AP4E1: variants seen among roughly 807,000 people sequenced by gnomAD.
The protein encoded by AP4E1 is adaptor related protein complex 4 subunit epsilon 1.
Under a neutral mutation model 128.2 loss-of-function variants are expected in AP4E1, and 56 were observed. The ratio of observed to expected loss-of-function variants is 0.44; its 90% CI spans 0.35 to 0.55. The LOEUF (loss-of-function observed/expected upper bound fraction) is 0.55. Ranked by LOEUF, AP4E1 falls within the 20% of genes least tolerant of loss-of-function variation. The pLI is 0.00. For synonymous variants in AP4E1, 484 were observed against 473.1 expected, an observed-to-expected ratio of 1.02 and a Z score of -0.30; for missense variants, 1,324 against 1,307.7, an observed-to-expected ratio of 1.01 and a Z score of -0.19.
chr15:50,998,764 A>C (rs889547456), intron 18 of AP4E1, among the ~76,000 whole-genome samples: 1 of 152,180 alleles, frequency 6.6e-6, no homozygotes, highest in African/African-American at 2.4e-5. Context: ...TTTATATTTA[A>C]ATTCTTTTAA....
At chr15:50,920,462 G>C (rs893232196) in intron 3 of AP4E1, among the ~76,000 whole-genome samples, 10 of 142,384 alleles carry the variant, frequency 7.0e-5, no homozygotes, top group Non-Finnish European at 1.2e-4. Context: ...GCTGGAGTAT[G>C]GTGGCGCCAC....
At chr15:50,938,860 A>G (rs1449520792) in intron 8 of AP4E1, among the ~76,000 whole-genome samples, 2 of 152,218 alleles carry the variant, frequency 1.3e-5, no homozygotes, top group African/African-American at 4.8e-5. Flanking sequence ...GACAGAGTAG[A>G]GAGCCTGGAT....
intron 10 of AP4E1, 69 bp from the exon 11 acceptor site, chr15:50,947,951 A>C (rs970215413): frequency 3.2e-6 from 4 of 1,254,868 alleles, no homozygotes; most frequent in Admixed American, 3.9e-5. Flanking sequence ...GTCAACCTTT[A>C]TGTTACTGTA....
chr15:50,948,068 A>C lies in AP4E1; in HGVS notation c.1225A>C (p.Ile409Leu), dbSNP rs778177031. ...RITNAQNITVIVQKMLEYLHQ... is the reference protein window; with the variant it reads ...RITNAQNITVLVQKMLEYLHQ... ...TACTAATGCACAGAATATAACAGTT[A>C]TTGTCCAGAAAATGCTTGAATATTT... Residue 409 changes from isoleucine to leucine, a missense_variant, in exon 11 of 21, where the codon ATT (isoleucine) becomes CTT (leucine). Coordinates refer to ENST00000261842, the MANE Select transcript of AP4E1 (RefSeq NM_007347.5). 1.2e-6 allele frequency: 2 copies of C among 1,611,786 alleles called. No individual in the cohort carries two copies. The highest frequency in any genetic ancestry group is 2.7e-5 in the African/African-American group (2 of 74,866).
rs577077415 is a variant in AP4E1, at chr15:50,968,539, A to G, written c.1966+162A>G. 8.0e-5 allele frequency among the ~76,000 whole-genome samples: 12 copies of G among 150,504 alleles called. No homozygotes were observed. The South Asian group carries it at 1.3e-3, about 16-fold the overall frequency. ...GACTAGGTTTTCAGATATCCAGAGG[A>G]AAAAAAAAAGTTAGCCAAGAGATAT... On this transcript the variant is annotated intron_variant, in intron 15 of 20. Coordinates refer to ENST00000261842, the MANE Select transcript of AP4E1 (RefSeq NM_007347.5).
intron 15 of AP4E1, among the ~76,000 whole-genome samples, chr15:50,976,798 CTAA>C (rs1163545872): frequency 6.6e-6 from 1 of 152,066 alleles, no homozygotes; most frequent in Non-Finnish European, 1.5e-5. Context: ...AACAAAATAC[CTAA>C]TAATAAACTG....
Position 50,930,802 on chromosome 15 carries a change from T to C in AP4E1, c.703-3T>C. 6.2e-7 allele frequency: 1 copy of C among 1,614,024 alleles called. No individual in the cohort carries two copies. The stretch of plus-strand genomic sequence containing the variant: ...ACAAAGTTTTTTTTGCGGGGGGATG[T>C]AGGAGAATTCATCTGGATATAAAGA... On this transcript the variant is annotated splice_region_variant and splice_polypyrimidine_tract_variant and intron_variant, in intron 6 of 20. Coordinates refer to ENST00000261842, the MANE Select transcript of AP4E1 (RefSeq NM_007347.5).
intron 16 of AP4E1, among the ~76,000 whole-genome samples, chr15:50,986,863 G>C (rs1357107686): frequency 6.6e-6 from 1 of 152,140 alleles, no homozygotes; most frequent in African/African-American, 2.4e-5. Flanking sequence ...CTATTGATTG[G>C]AATAGTTTCA....
chr15:50,935,980 G>A (rs750377057), intron 8 of AP4E1, among the ~76,000 whole-genome samples: 1 of 152,190 alleles, frequency 6.6e-6, no homozygotes, highest in Non-Finnish European at 1.5e-5. Context: ...CATTTATAGA[G>A]TGCCTGTGAA....
chr15:50,923,231 G>A (rs1463345481), intron 3 of AP4E1, among the ~76,000 whole-genome samples: 5 of 152,106 alleles, frequency 3.3e-5, no homozygotes, highest in Admixed American at 2.6e-4. Flanking sequence ...AAATTCCTTG[G>A]AGTATCTAGA....
intron 15 of AP4E1, among the ~76,000 whole-genome samples, chr15:50,971,552 T>G (rs948208845): frequency 1.3e-5 from 2 of 152,156 alleles, no homozygotes; most frequent in Non-Finnish European, 2.9e-5. Context: ...TTCCCTTCTC[T>G]TCTCCTTCTG....
chr15:50,958,869 TC>T, intron 14 of AP4E1, 75 bp downstream of exon 14: 1 of 1,434,828 alleles, frequency 7.0e-7, no homozygotes, highest in Non-Finnish European at 9.8e-7. Flanking sequence ...TTGTGACATA[TC>T]AGGAATATAT....
intron 14 of AP4E1, among the ~76,000 whole-genome samples, chr15:50,965,265 C>G (rs1596489594): frequency 1.3e-5 from 2 of 152,108 alleles, no homozygotes. Flanking sequence ...AAAGGCTTTG[C>G]TGAGGATAGA....
chr15:50,996,958 C>T (rs1032312061), intron 17 of AP4E1, among the ~76,000 whole-genome samples: 2 of 152,170 alleles, frequency 1.3e-5, no homozygotes, highest in Non-Finnish European at 2.9e-5. Context: ...TAGGCTTATA[C>T]AGAACAACTA....
chr15:50,949,269 C>T (rs576197341), intron 11 of AP4E1, among the ~76,000 whole-genome samples: 34 of 151,798 alleles, frequency 2.2e-4, no homozygotes, highest in Admixed American at 7.2e-4. Context: ...AAAATTTAGC[C>T]GGGCATGGTG....
chr15:50,944,584 GT>G (rs2064031822), intron 10 of AP4E1: 1 of 207,306 alleles, frequency 4.8e-6, no homozygotes, highest in Non-Finnish European at 8.9e-6. Flanking sequence ...AACTAAAACA[GT>G]TAAAAAAAAA....
At chr15:50,921,506 G>A (rs150476312) in intron 3 of AP4E1, among the ~76,000 whole-genome samples, 9 of 151,886 alleles carry the variant, frequency 5.9e-5, no homozygotes, top group South Asian at 4.2e-4. Flanking sequence ...GTGTCACCAC[G>A]TCTGTCTAAT....
At position 50,949,859 on chromosome 15, in the gene AP4E1, A is replaced by G; in HGVS notation, c.1350A>G (p.Thr450=). 6.2e-7 allele frequency: 1 copy of G among 1,613,810 alleles called. No individual in the cohort carries two copies. Among genetic ancestry groups the G allele is most frequent in the South Asian group, 1.1e-5 (1 of 91,074 alleles). The change falls in exon 12 of 21, where the codon ACA becomes ACG. Residue 450 remains threonine, a synonymous_variant. Coordinates refer to ENST00000261842, the MANE Select transcript of AP4E1 (RefSeq NM_007347.5). ...YAPDNAWFIQ[T]MNAVFSVGGD... ...CTGATAATGCATGGTTTATTCAGAC[A>G]ATGAATGCTGTGTTTTCAGTAGGAG...
chr15:50,944,988 G>A (rs2140851390), intron 10 of AP4E1: 2 of 766,344 alleles, frequency 2.6e-6, no homozygotes, highest in Non-Finnish European at 4.8e-6. Flanking sequence ...AGCACATGAA[G>A]GCTTTGTATA....
Sources: allele counts gnomAD v4.1 joint callset (sites outside exome capture counted in the v4.1 genomes callset), GRCh38; gene constraint gnomAD v4.1.1; transcripts MANE v1.5; gene names NCBI Gene and HGNC (gene_info 2026-07-23, HGNC 2026-07-21).